MYO3B: variants seen among roughly 807,000 people sequenced by gnomAD.
MYO3B encodes myosin IIIB, also known as myosin-IIIb.
MYO3B carries 156 observed loss-of-function variants against 174.6 expected under a neutral mutation model. The ratio of observed to expected loss-of-function variants is 0.89; its 90% CI spans 0.78 to 1.02. The LOEUF is 1.02. Among genes scored for constraint, MYO3B ranks in the 50% least tolerant of loss-of-function variants. The pLI is 0.00. For synonymous variants in MYO3B, 563 were observed against 569.1 expected (o/e 0.99, Z 0.15); for missense variants, 1,632 against 1,639.4 (o/e 1.00, Z 0.08).
chr2:170,300,836 GT>G (rs369013683), intron 7 of MYO3B, among the ~76,000 whole-genome samples: 39 of 152,148 alleles, frequency 2.6e-4, no homozygotes, highest in African/African-American at 8.2e-4. Flanking sequence ...TATATTTAGG[GT>G]TTTTTTGTCT....
At position 170,400,226 on chromosome 2, in the gene MYO3B, G is replaced by A. The variant is rs777387175; in HGVS notation, c.1830G>A (p.Leu610=). Residue 610 remains leucine, a synonymous_variant, in exon 17 of 35, where the codon TTG becomes TTA. Coordinates refer to ENST00000408978, the MANE Select transcript of MYO3B (RefSeq NM_138995.5). ...TGTACAGAATTTTGGCTGGGATTTT[G>A]AATATTGGGAACATTGAGTTCGCAG... is the stretch of plus-strand genomic sequence containing the variant. ...HSVYRILAGI[L]NIGNIEFAAI... is the part of the protein sequence containing the mutation. 6.2e-7 allele frequency: 1 copy of A among 1,613,990 alleles called. No homozygotes were observed. Among genetic ancestry groups the A allele is most frequent in the Non-Finnish European group, 8.5e-7 (1 of 1,179,968 alleles).
At chr2:170,651,182 C>T (rs1698985635) in intron 32 of MYO3B, among the ~76,000 whole-genome samples, 1 of 152,166 alleles carries the variant, frequency 6.6e-6, no homozygotes, top group Admixed American at 6.5e-5. Flanking sequence ...AAATGTATCC[C>T]ACCAAAAGGT....
At chr2:170,376,146 A>G (rs1158371920) in intron 9 of MYO3B, among the ~76,000 whole-genome samples, 2 of 152,190 alleles carry the variant, frequency 1.3e-5, no homozygotes, top group African/African-American at 2.4e-5. Context: ...CTCCTATTTT[A>G]AAATTTATGC....
rs1044881737 is a variant in MYO3B at position 170,357,828 on chromosome 2, C to T, written c.816-11394C>T. Among the ~76,000 whole-genome samples the T allele has an allele frequency of 5.9e-5, 9 of 152,142 alleles. No individual in the cohort carries two copies. The East Asian group carries it at 1.3e-3, about 23-fold the overall frequency. ...ACATAAAAGCTTGTACAGAAATGTT[C>T]GTAGTAGCAATAATTCATAATAGCT... On this transcript the variant is annotated intron_variant, in intron 8 of 34. Transcript: ENST00000408978.
intron 25 of MYO3B, among the ~76,000 whole-genome samples, chr2:170,487,107 A>C (rs550023206): frequency 6.6e-6 from 1 of 152,292 alleles, no homozygotes; most frequent in East Asian, 1.9e-4. Context: ...GGTGATTCTG[A>C]TGCAGGTGGT....
intron 8 of MYO3B, among the ~76,000 whole-genome samples, chr2:170,351,715 G>A (rs2094072102): frequency 6.6e-6 from 1 of 152,102 alleles, no homozygotes; most frequent in Non-Finnish European, 1.5e-5. Flanking sequence ...CAGAACACCT[G>A]AATAAACCTA....
intron 28 of MYO3B, among the ~76,000 whole-genome samples, chr2:170,503,422 G>A (rs931160559): frequency 5.3e-5 from 8 of 150,290 alleles, no homozygotes; most frequent in African/African-American, 9.8e-5. Flanking sequence ...GTTGCTCAGC[G>A]AAACTTTAAA....
chr2:170,478,573 G>GTTTT (rs34745716), intron 25 of MYO3B, among the ~76,000 whole-genome samples: 1 of 126,462 alleles, frequency 7.9e-6, no homozygotes. Context: ...GTTTTTTTGT[G>GTTTT]TTTTTTTTTT....
chr2:170,203,136 T>A (rs1162599487), intron 3 of MYO3B, among the ~76,000 whole-genome samples: 1 of 152,190 alleles, frequency 6.6e-6, no homozygotes, highest in Non-Finnish European at 1.5e-5. Context: ...GAATATTAAA[T>A]TTTTAAAAAT....
intron 32 of MYO3B, among the ~76,000 whole-genome samples, chr2:170,571,081 G>A (rs62168207): frequency 0.41 from 61,772 of 151,648 alleles, 12,959 homozygotes; most frequent in Non-Finnish European, 0.46. Flanking sequence ...AATTTTTCAG[G>A]CTAGCTGGCT....
At chr2:170,347,175 T>G (rs2094022852) in intron 8 of MYO3B, among the ~76,000 whole-genome samples, 2 of 152,194 alleles carry the variant, frequency 1.3e-5, no homozygotes, top group Non-Finnish European at 2.9e-5. Context: ...ACAGTAAGAT[T>G]TATTTAAAGC....
chr2:170,249,373 C>T (rs944080192), intron 7 of MYO3B, among the ~76,000 whole-genome samples: 2 of 152,216 alleles, frequency 1.3e-5, no homozygotes, highest in Non-Finnish European at 1.5e-5. Flanking sequence ...CACCTTCCTC[C>T]ACATTTCCTC....
intron 7 of MYO3B, among the ~76,000 whole-genome samples, chr2:170,320,651 T>C (rs1427800549): frequency 1.3e-5 from 2 of 151,888 alleles, no homozygotes; most frequent in African/African-American, 2.4e-5. Context: ...ATTTATGATA[T>C]ATGTTATGTA....
At chr2:170,464,846 A>G (rs1472876254) in intron 24 of MYO3B, among the ~76,000 whole-genome samples, 1 of 151,960 alleles carries the variant, frequency 6.6e-6, no homozygotes, top group African/African-American at 2.4e-5. Context: ...TGTTGCTATG[A>G]AGGAATACTT....
chr2:170,404,355 G>A lies in MYO3B; in HGVS notation c.2386G>A (p.Asp796Asn), dbSNP rs774690646. 1.2e-6 allele frequency: 2 copies of A among 1,613,772 alleles called. No homozygotes were observed. Among genetic ancestry groups the A allele is most frequent in the South Asian group, 2.2e-5 (2 of 90,992 alleles). Residue 796 changes from aspartate (D) to asparagine (N), a missense_variant, in exon 20 of 35, where the codon GAT (aspartate) becomes AAT (asparagine). Physicochemically the swap from Asp to Asn is conservative, Grantham distance 23. Coordinates refer to ENST00000408978, the MANE Select transcript of MYO3B (RefSeq NM_138995.5). Reference sequence around the variant, plus strand: ...ACCCCTGGGACTGCTTGCACTTTTGGATGAGGAAAGTCGGTTTCCCCAAGC... The same window carrying A: ...ACCCCTGGGACTGCTTGCACTTTTGAATGAGGAAAGTCGGTTTCCCCAAGC... The part of the protein sequence containing the change: ...QKPLGLLALL[D>N]EESRFPQATD...
At chr2:170,548,106 CAAAAAAAAAAAAAAA>C (rs10532249) in intron 32 of MYO3B, among the ~76,000 whole-genome samples, 14 of 51,718 alleles carry the variant, frequency 2.7e-4, no homozygotes, top group East Asian at 7.6e-4. Flanking sequence ...GACTCCGTCT[CAAAAAAAAAAAAAAA>C]AAAAAAAAAA....
intron 3 of MYO3B, among the ~76,000 whole-genome samples, chr2:170,204,815 C>T (rs2092698407): frequency 6.6e-6 from 1 of 152,126 alleles, no homozygotes. Flanking sequence ...TGGTTGCCTT[C>T]TTACAATTCT....
intron 2 of MYO3B, among the ~76,000 whole-genome samples, chr2:170,199,850 A>G (rs1031924841): frequency 2.0e-5 from 3 of 152,166 alleles, no homozygotes; most frequent in African/African-American, 7.2e-5. Context: ...GAAAATTCAG[A>G]CACTTTTCAA....
chr2:170,474,919 T>C (rs1167561343), intron 25 of MYO3B, among the ~76,000 whole-genome samples: 1 of 152,026 alleles, frequency 6.6e-6, no homozygotes, highest in Non-Finnish European at 1.5e-5. Flanking sequence ...GAACAAAAAT[T>C]TTGCTGACAA....
Sources: gnomAD v4.1 joint callset for allele counts (sites outside exome capture counted in the v4.1 genomes callset) on GRCh38, gnomAD v4.1.1 for gene constraint, MANE v1.5 for transcripts, NCBI Gene and HGNC (gene_info 2026-07-23, HGNC 2026-07-21) for gene names.